The following APP variants were observed in gnomAD, a reference collection of about 807,000 sequenced individuals.
APP encodes the protein amyloid beta precursor protein.
In APP, 31 loss-of-function variants were observed where a neutral mutation model predicts 101.4. The observed-to-expected ratio is 0.31, with a 90% confidence interval of 0.23 to 0.41. The LOEUF (loss-of-function observed/expected upper bound fraction) is 0.41, where lower values mean the gene tolerates loss of function less well. APP is among the 10% of genes least tolerant of loss of function. The pLI is 1.00. For missense variants in APP, 839 were observed against 1,003.7 expected, an observed-to-expected ratio of 0.84 and a Z score of 2.22; for synonymous variants, 366 against 364.4, an observed-to-expected ratio of 1.00 and a Z score of -0.05.
intron 11 of APP, among the ~76,000 whole-genome samples, chr21:25,959,103 T>C (rs955124181): frequency 6.6e-6 from 1 of 152,162 alleles, no homozygotes; most frequent in African/African-American, 2.4e-5. Flanking sequence ...GAATCTAAAA[T>C]AGACCAAGTT....
chr21:26,148,157 C>T (rs1257075347), intron 1 of APP, among the ~76,000 whole-genome samples: 1 of 152,198 alleles, frequency 6.6e-6, no homozygotes, highest in African/African-American at 2.4e-5. Context: ...CCACAAACCC[C>T]TTCAAAAAGA....
intron 3 of APP, among the ~76,000 whole-genome samples, chr21:26,059,890 C>CAAAAAAAAAAAAAAAAAAAAAAAAAAAA (rs57594630): frequency 1.4e-5 from 1 of 70,644 alleles, no homozygotes; most frequent in Non-Finnish European, 2.6e-5. Context: ...GACTCCGTCT[C>CAAAAAAAAAAAAAAAAAAAAAAAAAAAA]AAAAAAAAAA....
intron 13 of APP, chr21:25,934,460 G>C (rs1287867342): frequency 6.6e-6 from 1 of 151,826 alleles, no homozygotes; most frequent in Admixed American, 6.6e-5. Flanking sequence ...TTTTGAGATG[G>C]AGTCTCGCTC....
intron 13 of APP, among the ~76,000 whole-genome samples, chr21:25,950,618 G>A (rs1180756488): frequency 6.6e-6 from 1 of 152,072 alleles, no homozygotes; most frequent in African/African-American, 2.4e-5. Flanking sequence ...CTGACCTCAG[G>A]TGATCCACTG....
chr21:25,942,764 C>G (rs2040630444), intron 13 of APP: 1 of 152,072 alleles, frequency 6.6e-6, no homozygotes, highest in South Asian at 2.1e-4. Context: ...TATATATATC[C>G]TATCATGGTA....
Position 25,897,745 on chromosome 21 carries a change from C to T in APP, c.1964-72G>A, listed in dbSNP as rs1370643530. The T allele has an allele frequency of 4.5e-6, 6 of 1,330,636 alleles. No individual in the cohort carries two copies. In the East Asian group the frequency reaches 1.1e-4, roughly 25 times the overall value. 82.4% of individuals were successfully genotyped at this position (1,330,636 alleles called of 1,614,324 possible). On this transcript the variant is annotated intron_variant, in intron 15 of 17. Coordinates refer to ENST00000346798, the MANE Select transcript of APP (RefSeq NM_000484.4). ...ACTCATAAATAATAACACTGTAAGA[C>T]AAAGCCTACCCAAAACTTCTTTCTA...
At chr21:25,906,234 C>G (rs2038783128) in intron 14 of APP, among the ~76,000 whole-genome samples, 1 of 152,180 alleles carries the variant, frequency 6.6e-6, no homozygotes, top group Non-Finnish European at 1.5e-5. Context: ...GAAAATATTT[C>G]CGGGAGCACT....
At chr21:26,001,012 T>G (rs1017144542) in intron 6 of APP, among the ~76,000 whole-genome samples, 9 of 152,086 alleles carry the variant, frequency 5.9e-5, no homozygotes, top group African/African-American at 2.2e-4. Flanking sequence ...TATAACAATG[T>G]ATTATTTAAT....
At chr21:26,137,684 T>C (rs1234265742) in intron 1 of APP, among the ~76,000 whole-genome samples, 1 of 152,176 alleles carries the variant, frequency 6.6e-6, no homozygotes, top group African/African-American at 2.4e-5. Context: ...AAACTCCAGA[T>C]AGAATTTTAA....
intron 5 of APP, among the ~76,000 whole-genome samples, chr21:26,042,199 T>C (rs2045402322): frequency 6.6e-6 from 1 of 152,194 alleles, no homozygotes; most frequent in African/African-American, 2.4e-5. Context: ...AGATTATATA[T>C]TCAAAAACTT....
chr21:26,027,416 G>C (rs1427903694), intron 5 of APP, among the ~76,000 whole-genome samples: 2 of 152,172 alleles, frequency 1.3e-5, no homozygotes, highest in East Asian at 3.8e-4. Context: ...ACAATGGCTG[G>C]ATAAGTCAGT....
At chr21:26,023,754 T>C (rs2146788829) in intron 5 of APP, among the ~76,000 whole-genome samples, 1 of 152,374 alleles carries the variant, frequency 6.6e-6, no homozygotes, top group Middle Eastern at 3.4e-3. Flanking sequence ...CAGTTTCTAA[T>C]GCAGCTCCAG....
intron 2 of APP, 62 bp from the exon 3 acceptor site, chr21:26,090,134 T>G: frequency 6.2e-7 from 1 of 1,606,762 alleles, no homozygotes; most frequent in Admixed American, 1.7e-5. Context: ...TTTACAAGCA[T>G]CTAACAAGCC....
intron 1 of APP, among the ~76,000 whole-genome samples, chr21:26,140,730 A>G (rs2063026390): frequency 6.6e-6 from 1 of 152,258 alleles, no homozygotes; most frequent in South Asian, 2.1e-4. Flanking sequence ...TTTTTTAACA[A>G]AAGCTGTCTA....
chr21:25,977,044 A>T (rs766573606), intron 9 of APP, among the ~76,000 whole-genome samples: 7 of 152,158 alleles, frequency 4.6e-5, no homozygotes, highest in Non-Finnish European at 8.8e-5. Context: ...CTTTTTCTTT[A>T]CAGATTATCC....
chr21:26,143,583 C>T (rs2063093923), intron 1 of APP, among the ~76,000 whole-genome samples: 1 of 152,156 alleles, frequency 6.6e-6, no homozygotes, highest in South Asian at 2.1e-4. Flanking sequence ...GAATATTTAA[C>T]ATTTACTCTC....
intron 2 of APP, among the ~76,000 whole-genome samples, chr21:26,110,700 T>C (rs2062298012): frequency 6.6e-6 from 1 of 152,034 alleles, no homozygotes; most frequent in African/African-American, 2.4e-5. Flanking sequence ...ATTTACAATT[T>C]AAAATAAAAG....
chr21:26,128,246 T>A (rs1018115962), intron 1 of APP, among the ~76,000 whole-genome samples: 3 of 152,216 alleles, frequency 2.0e-5, no homozygotes. Context: ...ATAGTATTTT[T>A]AAACTATCTA....
chr21:25,897,177 A>T lies in APP; in HGVS notation c.2064+396T>A, dbSNP rs562412660. Reference sequence around the variant, plus strand: ...AGTCTCGCTCTGTCGCCTAGGCACGATCTCAGCTCACTGCAACCTCCACCT... The same window carrying T: ...AGTCTCGCTCTGTCGCCTAGGCACGTTCTCAGCTCACTGCAACCTCCACCT... On this transcript the variant is annotated intron_variant, in intron 16 of 17. Transcript: ENST00000346798. 1.2e-4 allele frequency among the ~76,000 whole-genome samples: 18 copies of T among 151,160 alleles called. No individual in the cohort carries two copies. In the South Asian group the frequency reaches 3.8e-3, roughly 32 times the overall value.
Sources: gnomAD v4.1 joint callset for allele counts (sites outside exome capture counted in the v4.1 genomes callset) on GRCh38, gnomAD v4.1.1 for gene constraint, MANE v1.5 for transcripts, NCBI Gene and HGNC (gene_info 2026-07-23, HGNC 2026-07-21) for gene names.